LRIG2: variants seen among roughly 807,000 people sequenced by gnomAD.
LRIG2 encodes the protein leucine-rich repeats and immunoglobulin-like domains protein 2.
A neutral mutation model predicts 107.8 loss-of-function variants in LRIG2; 93 were observed. The observed-to-expected ratio is 0.86, with a 90% CI of 0.73 to 1.03. The LOEUF (loss-of-function observed/expected upper bound fraction) is 1.03. LRIG2 is among the 50% of genes least tolerant of loss of function. The pLI, the probability that LRIG2 is intolerant of heterozygous loss-of-function variation, is 0.00. For synonymous variants in LRIG2, 471 were observed against 470.6 expected (o/e 1.00, Z -0.01); for missense variants, 1,226 against 1,296.0 (o/e 0.95, Z 0.83).
chr1:113,086,576 C>T (rs1003225366), intron 1 of LRIG2, among the ~76,000 whole-genome samples: 1 of 152,138 alleles, frequency 6.6e-6, no homozygotes, highest in Non-Finnish European at 1.5e-5. Flanking sequence ...AAGAAAACCC[C>T]TCCATTTCTG....
At chr1:113,076,285 C>T (rs369919985) in intron 1 of LRIG2, among the ~76,000 whole-genome samples, 15 of 152,230 alleles carry the variant, frequency 9.9e-5, no homozygotes, top group Non-Finnish European at 2.2e-4. Flanking sequence ...GGATTACAGG[C>T]ACGAGCCACT....
rs760800869 is a variant in LRIG2, at chr1:113,116,430, A to G, written c.2674A>G (p.Thr892Ala). 6.5e-7 allele frequency: 1 copy of G among 1,541,090 alleles called. No homozygotes were observed. Among genetic ancestry groups the G allele is most frequent in the South Asian group, 1.2e-5 (1 of 86,682 alleles). The change falls in exon 16 of 18, where the codon ACT becomes GCT. Residue 892 changes from threonine to alanine, a missense_variant. This residue lies in a region of LRIG2 where 642 missense variants were observed against 712.2 expected (regional missense o/e 0.90). Transcript: ENST00000361127. The part of the protein sequence containing the change: ...PPANGYIHKG[T>A]DGGTGTRVIC... ...TGCCAATGGATATATACACAAAGGC[A>G]CTGACGGTAATGACTCTGTTGTTTA...
chr1:113,113,877 G>A (rs1271757667), intron 14 of LRIG2, among the ~76,000 whole-genome samples: 1 of 152,040 alleles, frequency 6.6e-6, no homozygotes, highest in African/African-American at 2.4e-5. Flanking sequence ...TTAGGAAAAG[G>A]GGAGGAAAGT....
At chr1:113,109,588 G>A (rs919770149) in intron 12 of LRIG2, among the ~76,000 whole-genome samples, 1 of 152,122 alleles carries the variant, frequency 6.6e-6, no homozygotes, top group Non-Finnish European at 1.5e-5. Flanking sequence ...CGTGATCTCG[G>A]CTCACTAGCC....
chr1:113,128,431 C>G lies in LRIG2; in HGVS notation c.*4330C>G, dbSNP rs1369329091. On this transcript the variant is annotated 3_prime_UTR_variant, in exon 18 of 18. Transcript: ENST00000361127. ...ATCAAGGGTGAGTCTTTTTACTTCT[C>G]TAGGCTAGATTTTCTCATTTATGAA... is the stretch of plus-strand genomic sequence containing the variant. 23 of 152,092 alleles carry G rather than the reference C, an allele frequency of 1.5e-4. No homozygotes were observed. Among genetic ancestry groups the G allele is most frequent in the Admixed American group, 1.4e-3 (22 of 15,256 alleles). 9.4% of individuals were successfully genotyped at this position (152,092 alleles called of 1,614,324 possible). A position where few individuals can be genotyped will look rare whatever the true frequency, so the allele number is the denominator to read the frequency against.
chr1:113,090,475 C>T (rs557411005), intron 1 of LRIG2, among the ~76,000 whole-genome samples: 1 of 152,106 alleles, frequency 6.6e-6, no homozygotes, highest in East Asian at 1.9e-4. Flanking sequence ...CATTTTTATT[C>T]ATCCTTTATA....
At chr1:113,080,419 G>A (rs922858372) in intron 1 of LRIG2, among the ~76,000 whole-genome samples, 2 of 147,896 alleles carry the variant, frequency 1.4e-5, no homozygotes, top group African/African-American at 5.0e-5. Flanking sequence ...TCGCTCTGTT[G>A]CCCAGGCTGG....
chr1:113,119,074 G>A (rs938848436), intron 16 of LRIG2, among the ~76,000 whole-genome samples, 159 bp from the exon 17 acceptor site: 17 of 152,148 alleles, frequency 1.1e-4, no homozygotes, highest in African/African-American at 3.9e-4. Context: ...GAGGATTAAT[G>A]AATCAATTCA....
chr1:113,094,797 T>C (rs776678355), intron 6 of LRIG2, 42 bp downstream of exon 6: 17 of 1,585,894 alleles, frequency 1.1e-5, no homozygotes, highest in Non-Finnish European at 1.5e-5. Flanking sequence ...GAAAGTAGTC[T>C]GTTTGGGACT....
intron 17 of LRIG2, among the ~76,000 whole-genome samples, chr1:113,121,549 C>T (rs1390468197): frequency 1.3e-5 from 2 of 152,024 alleles, no homozygotes; most frequent in Non-Finnish European, 2.9e-5. Flanking sequence ...CGAGACCAGC[C>T]TGACCAACAT....
chr1:113,096,986 A>G lies in LRIG2; in HGVS notation c.1091+621A>G, dbSNP rs561660947. 9.1e-4 allele frequency among the ~76,000 whole-genome samples: 138 copies of G among 152,242 alleles called. 1 individual carries two copies. In the South Asian group the frequency reaches 0.027, roughly 30 times the overall value. On this transcript the variant is annotated intron_variant, in intron 8 of 17. Coordinates refer to ENST00000361127, the MANE Select transcript of LRIG2 (RefSeq NM_014813.3). ...CTGTTTGATGCTAAAGCTCATGTCCATTTTATCATACCAACAGAAGAACAA... is the reference window on the plus strand; with the variant it reads ...CTGTTTGATGCTAAAGCTCATGTCCGTTTTATCATACCAACAGAAGAACAA...
At chr1:113,073,984 C>CG (rs922782185) in intron 1 of LRIG2, among the ~76,000 whole-genome samples, 3 of 102,416 alleles carry the variant, frequency 2.9e-5, no homozygotes, top group African/African-American at 1.2e-4. Context: ...GTTGGTGGGG[C>CG]GGGGGGTGGG....
rs1653481360 is a variant in LRIG2, at chr1:113,084,960, A to G, written c.240-6358A>G. ...CAATATTCAGTTGGTGCAAATAAAA[A>G]ATAAAAGCAATTTAAGTAATTACAC... is the stretch of plus-strand genomic sequence containing the variant. On this transcript the variant is annotated intron_variant, in intron 1 of 17. Transcript: ENST00000361127. Among the ~76,000 whole-genome samples the G allele has an allele frequency of 2.0e-5, 3 of 152,246 alleles. No individual in the cohort carries two copies. The South Asian group carries it at 6.2e-4, about 31-fold the overall frequency.
intron 1 of LRIG2, among the ~76,000 whole-genome samples, chr1:113,088,839 G>A (rs1468666806): frequency 6.6e-6 from 1 of 152,200 alleles, no homozygotes; most frequent in South Asian, 2.1e-4. Flanking sequence ...TGTGTTTATT[G>A]TTTAGTAGCA....
intron 14 of LRIG2, 57 bp from the exon 15 acceptor site, chr1:113,114,370 T>C: frequency 8.8e-7 from 1 of 1,134,922 alleles, no homozygotes; most frequent in East Asian, 2.4e-5. Context: ...CAGTAGAAAT[T>C]AGGGAATAAA....
intron 1 of LRIG2, among the ~76,000 whole-genome samples, chr1:113,074,273 G>T (rs906390528): frequency 1.1e-4 from 17 of 152,158 alleles, no homozygotes; most frequent in African/African-American, 3.1e-4. Context: ...TAAAGAGGAG[G>T]AGTATTTTTT....
chr1:113,085,569 C>CCACT (rs1394602143), intron 1 of LRIG2, among the ~76,000 whole-genome samples: 1 of 152,200 alleles, frequency 6.6e-6, no homozygotes, highest in African/African-American at 2.4e-5. Context: ...CAGGCGTGAA[C>CCACT]CACTGTGCGC....
chr1:113,086,458 A>T (rs1653559077), intron 1 of LRIG2, among the ~76,000 whole-genome samples: 1 of 152,232 alleles, frequency 6.6e-6, no homozygotes, highest in South Asian at 2.1e-4. Context: ...TAACTTTTAC[A>T]AAGGGCCTCT....
chr1:113,111,661 T>A (rs1654780371), intron 13 of LRIG2, among the ~76,000 whole-genome samples: 1 of 152,256 alleles, frequency 6.6e-6, no homozygotes, highest in African/African-American at 2.4e-5. Context: ...TTGATTTATC[T>A]ATTGCCTATT....
Sources: allele counts gnomAD v4.1 joint callset (sites outside exome capture counted in the v4.1 genomes callset), GRCh38; gene constraint gnomAD v4.1.1; regional missense constraint gnomAD v4.1.1; transcripts MANE v1.5; gene names NCBI Gene and HGNC (gene_info 2026-07-23, HGNC 2026-07-21).